Variants in GTF3C1 observed in about 807,000 individuals in gnomAD.
The protein encoded by GTF3C1 is general transcription factor 3C polypeptide 1.
A neutral mutation model predicts 226.7 loss-of-function variants in GTF3C1; 57 were observed. That is an observed-to-expected ratio of 0.25 (90% CI 0.20 to 0.31). The LOEUF (loss-of-function observed/expected upper bound fraction) is 0.31. GTF3C1 is among the 10% of genes least tolerant of loss of function. The pLI is 1.00. For missense variants in GTF3C1, 2,217 were observed against 2,776.1 expected (o/e 0.80, Z 4.53); for synonymous variants, 1,090 against 1,084.8 (o/e 1.00, Z -0.09).
At chr16:27,485,259 C>T (rs1011313126) in intron 24 of GTF3C1, among the ~76,000 whole-genome samples, 7 of 152,264 alleles carry the variant, frequency 4.6e-5, no homozygotes, top group Non-Finnish European at 1.0e-4. Flanking sequence ...CCCGGAGGCA[C>T]ACCCGGGCTC....
At position 27,463,658 on chromosome 16, in the gene GTF3C1, C is replaced by T; in HGVS notation, c.5873-66G>A. 1 of 885,134 alleles carries T rather than the reference C, an allele frequency of 1.1e-6. No individual in the cohort carries two copies. The highest frequency in any genetic ancestry group is 1.9e-6 in the Non-Finnish European group (1 of 513,716). 54.8% of individuals were successfully genotyped at this position (885,134 alleles called of 1,614,324 possible). A position where few individuals can be genotyped will look rare whatever the true frequency, so the allele number is the denominator to read the frequency against. Reference sequence around the variant, plus strand: ...AGGGAAGCCATCTCTGCCCTCCAACCTTCAGCATGGTACCTAGCATGAGCA... The same window carrying T: ...AGGGAAGCCATCTCTGCCCTCCAACTTTCAGCATGGTACCTAGCATGAGCA... On this transcript the variant is annotated intron_variant, in intron 34 of 36. Coordinates refer to ENST00000356183, the MANE Select transcript of GTF3C1 (RefSeq NM_001520.4). This position sits in a 1 kb window ranked among gnomAD's most constrained non-coding sequence, Gnocchi z 4.9.
rs117511196 is a variant in GTF3C1, at chr16:27,495,600, T to G, written c.2351-108A>C. On this transcript the variant is annotated intron_variant, in intron 14 of 36. Coordinates refer to ENST00000356183, the MANE Select transcript of GTF3C1 (RefSeq NM_001520.4). ...CACTATGTGCCAGGGGCCAGAAAGA[T>G]GGCAAATATTCTTACTGTCTTAGAG... 2,595 of 971,850 alleles carry G rather than the reference T, an allele frequency of 2.7e-3. 6 individuals are homozygous for G. Among genetic ancestry groups the G allele is most frequent in the Non-Finnish European group, 3.3e-3 (2,140 of 652,080 alleles). The allele number at this position is 971,850 out of a possible 1,614,324, so 60.2% of individuals were successfully genotyped here. A position where few individuals can be genotyped will look rare whatever the true frequency, so the allele number is the denominator to read the frequency against.
Position 27,471,937 on chromosome 16 carries a change from C to T in GTF3C1, c.4354-17G>A, listed in dbSNP as rs182031850. On this transcript the variant is annotated splice_polypyrimidine_tract_variant and intron_variant, in intron 29 of 36. Coordinates refer to ENST00000356183, the MANE Select transcript of GTF3C1 (RefSeq NM_001520.4). The surrounding 1 kb of genome is among the most constrained non-coding windows in gnomAD (Gnocchi z 5.0). ...GCGGAAAGTCTGCAACACAGGGCGGCGAGGGTGAGTAGGGTTCTCCAGCCG... is the reference window on the plus strand; with the variant it reads ...GCGGAAAGTCTGCAACACAGGGCGGTGAGGGTGAGTAGGGTTCTCCAGCCG... The T allele has an allele frequency of 2.7e-4, 443 of 1,612,784 alleles. 1 individual carries two copies. In the African/African-American group the frequency reaches 3.9e-3, roughly 14 times the overall value.
intron 25 of GTF3C1, among the ~76,000 whole-genome samples, chr16:27,483,795 G>A (rs1392976139): frequency 1.3e-5 from 2 of 152,198 alleles, no homozygotes; most frequent in Non-Finnish European, 2.9e-5. Flanking sequence ...AATGATCCCA[G>A]GTCCTGCCTA....
chr16:27,461,190 A>G lies in GTF3C1; in HGVS notation c.*160T>C. On this transcript the variant is annotated 3_prime_UTR_variant, in exon 37 of 37. Transcript: ENST00000356183. The surrounding 1 kb of genome is among the most constrained non-coding windows in gnomAD (Gnocchi z 5.3). The stretch of plus-strand genomic sequence containing the variant: ...GCCCCTCTTTCCAGAGTTCCAGTAC[A>G]GTGGGAAACGTGTCAGTCTGTGACT... 1.7e-6 allele frequency: 1 copy of G among 590,390 alleles called. No individual in the cohort carries two copies. The highest frequency in any genetic ancestry group is 2.8e-5 in the East Asian group (1 of 36,184). 36.6% of individuals were successfully genotyped at this position (590,390 alleles called of 1,614,324 possible).
chr16:27,514,901 G>A (rs941460695), intron 6 of GTF3C1, among the ~76,000 whole-genome samples: 13 of 152,306 alleles, frequency 8.5e-5, no homozygotes, highest in Admixed American at 1.3e-4. Flanking sequence ...AGAGCGGCGC[G>A]GCGCCAGGGA....
rs116442812 is a variant in GTF3C1 at position 27,509,309 on chromosome 16, G to A, written c.1127-654C>T. 5.4e-3 allele frequency among the ~76,000 whole-genome samples: 820 copies of A among 152,216 alleles called. 7 individuals are homozygous for A. Among genetic ancestry groups the A allele is most frequent in the African/African-American group, 0.019 (782 of 41,516 alleles). On this transcript the variant is annotated intron_variant, in intron 7 of 36. Coordinates refer to ENST00000356183, the MANE Select transcript of GTF3C1 (RefSeq NM_001520.4). ...TGTCAGGATTGTGAGTATATCTGCCGCTCAGAGGCCCTTTAAATGCATCCT... is the reference window on the plus strand; with the variant it reads ...TGTCAGGATTGTGAGTATATCTGCCACTCAGAGGCCCTTTAAATGCATCCT...
intron 21 of GTF3C1, 65 bp downstream of exon 21, chr16:27,488,978 G>A (rs913494688): frequency 2.1e-6 from 3 of 1,460,544 alleles, no homozygotes; most frequent in African/African-American, 2.8e-5. Flanking sequence ...TGGTCAGGCA[G>A]GGAGGGACAG....
At chr16:27,517,043 G>T (rs996191224) in intron 6 of GTF3C1, among the ~76,000 whole-genome samples, 1 of 152,162 alleles carries the variant, frequency 6.6e-6, no homozygotes, top group Non-Finnish European at 1.5e-5. Context: ...CTGCTGTGTC[G>T]GGTGGGCCTG....
intron 6 of GTF3C1, among the ~76,000 whole-genome samples, chr16:27,526,625 G>A (rs1000901615): frequency 6.6e-6 from 1 of 152,168 alleles, no homozygotes; most frequent in Admixed American, 6.5e-5. Flanking sequence ...CCCTTCACAG[G>A]CACTTAGCTT....
chr16:27,523,799 C>T (rs753613726), intron 6 of GTF3C1, among the ~76,000 whole-genome samples: 1 of 152,144 alleles, frequency 6.6e-6, no homozygotes, highest in Non-Finnish European at 1.5e-5. Flanking sequence ...AAGGACTCAC[C>T]ATGAGCCCAG....
At chr16:27,509,479 C>A (rs145818771) in intron 7 of GTF3C1, among the ~76,000 whole-genome samples, 6 of 152,096 alleles carry the variant, frequency 3.9e-5, no homozygotes, top group Non-Finnish European at 8.8e-5. Context: ...TCCTCTTGGC[C>A]GGGTGCAGTG....
At chr16:27,523,056 AC>A (rs1333365227) in intron 6 of GTF3C1, among the ~76,000 whole-genome samples, 11 of 151,968 alleles carry the variant, frequency 7.2e-5, no homozygotes, top group Non-Finnish European at 1.2e-4. Flanking sequence ...AACCTGAAAA[AC>A]CTAGCCAGTT....
At chr16:27,542,964 C>G (rs900486499) in intron 2 of GTF3C1, among the ~76,000 whole-genome samples, 3 of 152,188 alleles carry the variant, frequency 2.0e-5, no homozygotes, top group African/African-American at 7.2e-5. Flanking sequence ...AAGACAGGAA[C>G]AGAAGGCAGG....
Position 27,506,171 on chromosome 16 carries a change from A to G in GTF3C1, c.1553-55T>C, listed in dbSNP as rs530695376. 3.0e-5 allele frequency: 30 copies of G among 1,007,524 alleles called. No homozygotes were observed. The Admixed American group carries it at 3.3e-4, about 11-fold the overall frequency. The allele number at this position is 1,007,524 out of a possible 1,614,324, so 62.4% of individuals were successfully genotyped here. A position where few individuals can be genotyped will look rare whatever the true frequency, so the allele number is the denominator to read the frequency against. ...CAAGGGGGAGGCCAGGAGGGCATTCATGTTTGGCAATCAGACCAGACCCAC... is the reference window on the plus strand; with the variant it reads ...CAAGGGGGAGGCCAGGAGGGCATTCGTGTTTGGCAATCAGACCAGACCCAC... On this transcript the variant is annotated intron_variant, in intron 9 of 36. Transcript: ENST00000356183.
rs1388712443 is a variant in GTF3C1 at position 27,508,736 on chromosome 16, G to T, written c.1127-81C>A. 4.1e-6 allele frequency: 4 copies of T among 977,266 alleles called. No individual in the cohort carries two copies. In the African/African-American group the frequency reaches 6.4e-5, roughly 16 times the overall value. The allele number at this position is 977,266 out of a possible 1,614,324, so 60.5% of individuals were successfully genotyped here. ...AGTCAGTTTCCAGCCCACTTTTTCAGCAGACATTTTGATGCTGTGAAATTA... is the reference window on the plus strand; with the variant it reads ...AGTCAGTTTCCAGCCCACTTTTTCATCAGACATTTTGATGCTGTGAAATTA... On this transcript the variant is annotated intron_variant, in intron 7 of 36. Transcript: ENST00000356183.
intron 32 of GTF3C1, chr16:27,465,793 C>A: frequency 1.9e-6 from 1 of 530,010 alleles, no homozygotes; most frequent in Non-Finnish European, 3.4e-6. Context: ...CTGTGATTCT[C>A]CTGCTCAAGA....
intron 5 of GTF3C1, 23 bp downstream of exon 5, chr16:27,533,268 C>A (rs1474923355): frequency 7.9e-7 from 1 of 1,271,772 alleles, no homozygotes; most frequent in Non-Finnish European, 1.2e-6. Flanking sequence ...CCCAGCCCCG[C>A]CCGTGGGAAA....
chr16:27,516,663 A>G (rs1263248780), intron 6 of GTF3C1, among the ~76,000 whole-genome samples: 1 of 152,120 alleles, frequency 6.6e-6, no homozygotes, highest in Non-Finnish European at 1.5e-5. Context: ...TTCTTTTGAG[A>G]CAAAGTCTCG....
Sources: gnomAD v4.1 joint callset for allele counts (sites outside exome capture counted in the v4.1 genomes callset) on GRCh38, gnomAD v4.1.1 for gene constraint, Gnocchi (gnomAD v3.1) non-coding constraint, MANE v1.5 for transcripts, NCBI Gene and HGNC (gene_info 2026-07-23, HGNC 2026-07-21) for gene names.